Variants in KCNA2 observed in about 807,000 individuals in gnomAD.
The protein encoded by KCNA2 is potassium channel, voltage gated shaker related subfamily A, member 2.
A neutral mutation model predicts 33.4 loss-of-function variants in KCNA2; 11 were observed. The ratio of observed to expected loss-of-function variants is 0.33; its 90% confidence interval spans 0.21 to 0.55. The LOEUF is 0.55. Ranked by LOEUF, KCNA2 falls within the 20% of genes least tolerant of loss-of-function variation. The pLI is 0.93. For synonymous variants in KCNA2, 222 were observed against 231.3 expected (o/e 0.96, Z 0.37); for missense variants, 291 against 621.6 (o/e 0.47, Z 5.66).
In KCNA2 at chr1:110,600,013, C is replaced by A; in HGVS notation, c.*3270G>T. On this transcript the variant is annotated 3_prime_UTR_variant, in exon 3 of 3. Transcript: ENST00000316361. ...GGTGGCCCATCCTCCTGCTTGAAAC[C>A]TAGGAGTTACTTCTCAGGAGTGAAA... The A allele has an allele frequency of 4.1e-6, 4 of 985,080 alleles. No individual in the cohort carries two copies. Among genetic ancestry groups the A allele is most frequent in the Non-Finnish European group, 4.8e-6 (4 of 829,850 alleles). The allele number at this position is 985,080 out of a possible 1,614,324, so 61.0% of individuals were successfully genotyped here. A position where few individuals can be genotyped will look rare whatever the true frequency, so the allele number is the denominator to read the frequency against.
At chr1:110,621,198 T>G (rs1441440017) in intron 1 of KCNA2, among the ~76,000 whole-genome samples, 1 of 152,250 alleles carries the variant, frequency 6.6e-6, no homozygotes, top group African/African-American at 2.4e-5. Context: ...TAAGTGTTCA[T>G]TAGCTAATAT....
rs187579959 is a variant in KCNA2 at position 110,614,003 on chromosome 1, C to G, written c.-495-8281G>C. ...TACCAAGGATCATTCCAACTTTGGA[C>G]AGAGCTAACTTTTCAATTGCCTTTT... On this transcript the variant is annotated intron_variant, in intron 1 of 4. Coordinates refer to the KCNA2 transcript ENST00000369770. 2.4e-4 allele frequency among the ~76,000 whole-genome samples: 36 copies of G among 152,334 alleles called. 1 individual carries two copies. Among genetic ancestry groups the G allele is most frequent in the South Asian group, 1.0e-3 (5 of 4,826 alleles).
chr1:110,621,850 C>T (rs1650267470), intron 1 of KCNA2, among the ~76,000 whole-genome samples: 1 of 152,228 alleles, frequency 6.6e-6, no homozygotes, highest in South Asian at 2.1e-4. Context: ...TTAAAACCTG[C>T]TTAGTTTTAA....
At chr1:110,611,340 G>C (rs1649865733), upstream of KCNA2, among the ~76,000 whole-genome samples, 1 of 152,216 alleles carries the variant, frequency 6.6e-6, no homozygotes, top group Non-Finnish European at 1.5e-5. Context: ...AACTTCAGCT[G>C]CCTCTAAGGG....
chr1:110,598,907 C>A lies in KCNA2; in HGVS notation c.*4376G>T. ...CTCTCTCTTCCTGACAATCTCTCCA[C>A]CTTTCCTGGGCCTATTCCTTTTCGG... On this transcript the variant is annotated 3_prime_UTR_variant, in exon 3 of 3. Coordinates refer to ENST00000316361, the MANE Select transcript of KCNA2 (RefSeq NM_004974.4). 2 of 985,434 alleles carry A rather than the reference C, an allele frequency of 2.0e-6. No individual in the cohort carries two copies. Among genetic ancestry groups the A allele is most frequent in the Non-Finnish European group, 2.4e-6 (2 of 829,928 alleles). The allele number at this position is 985,434 out of a possible 1,614,324, so 61.0% of individuals were successfully genotyped here. A position where few individuals can be genotyped will look rare whatever the true frequency, so the allele number is the denominator to read the frequency against.
chr1:110,622,089 G>A (rs375482724), intron 1 of KCNA2, among the ~76,000 whole-genome samples: 4 of 151,992 alleles, frequency 2.6e-5, no homozygotes, highest in African/African-American at 7.2e-5. Flanking sequence ...GAACATAGAC[G>A]TACAAACCGA....
chr1:110,609,655 GT>G (rs767776309), upstream of KCNA2, among the ~76,000 whole-genome samples: 1 of 152,150 alleles, frequency 6.6e-6, no homozygotes, highest in Non-Finnish European at 1.5e-5. Flanking sequence ...TCAGGGGTAT[GT>G]TGTCCTGTCT....
Position 110,599,443 on chromosome 1 carries a change from C to G in KCNA2, c.*3840G>C. Reference sequence around the variant, plus strand: ...GGTTGCATAGCAATTGGATGGGAGGCAGGGCATCCAGGGGAGCCCAACAAG... The same window carrying G: ...GGTTGCATAGCAATTGGATGGGAGGGAGGGCATCCAGGGGAGCCCAACAAG... On this transcript the variant is annotated 3_prime_UTR_variant, in exon 3 of 3. Transcript: ENST00000316361. The G allele has an allele frequency of 1.2e-5, 12 of 985,286 alleles. No homozygotes were observed. The highest frequency in any genetic ancestry group is 1.3e-5 in the Non-Finnish European group (11 of 829,844). 61.0% of individuals were successfully genotyped at this position (985,286 alleles called of 1,614,324 possible).
intron 2 of KCNA2, 104 bp from the exon 3 acceptor site, chr1:110,605,049 A>G (rs1557733510): frequency 2.0e-6 from 1 of 492,556 alleles, no homozygotes; most frequent in Non-Finnish European, 3.6e-6. Flanking sequence ...GTTCAGACAC[A>G]TGATCACCAC....
Position 110,600,528 on chromosome 1 carries a change from G to T in KCNA2, c.*2755C>A. ...CTGTGTTTGCTTTTATGTTAACCTG[G>T]TCTGTCTGTATTTTGCACGTTACAT... On this transcript the variant is annotated 3_prime_UTR_variant, in exon 3 of 3. Transcript: ENST00000316361. The T allele has an allele frequency of 2.0e-6, 2 of 984,914 alleles. No homozygotes were observed. The highest frequency in any genetic ancestry group is 2.4e-6 in the Non-Finnish European group (2 of 829,790). 61.0% of individuals were successfully genotyped at this position (984,914 alleles called of 1,614,324 possible). A position where few individuals can be genotyped will look rare whatever the true frequency, so the allele number is the denominator to read the frequency against.
rs1438869224 is a variant in KCNA2 at position 110,604,207 on chromosome 1, A to G, written c.576T>C (p.Asn192=). The change falls in exon 3 of 3, where the codon AAT becomes AAC. Residue 192 remains asparagine (N), a synonymous_variant. Transcript: ENST00000316361. The surrounding 1 kb of genome is among the most constrained non-coding windows in gnomAD (Gnocchi z 7.6). ...TCACCCCACTACCATGCATGTCTTCATTCTCATCCCGGAAGATGGGCAATG... is the reference window on the plus strand; with the variant it reads ...TCACCCCACTACCATGCATGTCTTCGTTCTCATCCCGGAAGATGGGCAATG... The part of the protein sequence containing the change: ...LETLPIFRDE[N]EDMHGSGVTF... The G allele has an allele frequency of 3.1e-6, 5 of 1,614,210 alleles. No individual in the cohort carries two copies. The highest frequency in any genetic ancestry group is 4.2e-6 in the Non-Finnish European group (5 of 1,180,040).
At chr1:110,606,432 G>A (rs1203403541), upstream of KCNA2, 2 of 152,234 alleles carry the variant, frequency 1.3e-5, no homozygotes, top group Non-Finnish European at 2.9e-5. Flanking sequence ...GCCGGCTTCC[G>A]GACTGGCCCC....
rs184313129 is a variant in KCNA2, at chr1:110,599,296, T to A, written c.*3987A>T. On this transcript the variant is annotated 3_prime_UTR_variant, in exon 3 of 3. Transcript: ENST00000316361. ...TCCAAGAGTAATCCAAAATGGTGGG[T>A]AATCTTAGAAAGTATTTAAATATGG... The A allele has an allele frequency of 1.0e-6, 1 of 983,728 alleles. No individual in the cohort carries two copies. The highest frequency in any genetic ancestry group is 6.1e-5 in the Admixed American group (1 of 16,288). The allele number at this position is 983,728 out of a possible 1,614,324, so 60.9% of individuals were successfully genotyped here.
upstream of KCNA2, among the ~76,000 whole-genome samples, chr1:110,611,116 A>C (rs1649857390): frequency 6.6e-6 from 1 of 152,210 alleles, no homozygotes; most frequent in African/African-American, 2.4e-5. Context: ...ATTGGTTAGG[A>C]CTACAGAGGA....
chr1:110,594,937 C>T lies in KCNA2; in HGVS notation c.*8346G>A. The T allele has an allele frequency of 1.0e-6, 1 of 985,456 alleles. No homozygotes were observed. The highest frequency in any genetic ancestry group is 1.2e-6 in the Non-Finnish European group (1 of 829,960). 61.0% of individuals were successfully genotyped at this position (985,456 alleles called of 1,614,324 possible). A position where few individuals can be genotyped will look rare whatever the true frequency, so the allele number is the denominator to read the frequency against. On this transcript the variant is annotated 3_prime_UTR_variant, in exon 3 of 3. Transcript: ENST00000316361. ...GGAAATTGTTTGGTAGCAAAGTGCG[C>T]CCCTGAATATTCTCTTCCTCCCAGC...
In KCNA2 at chr1:110,601,695, A is replaced by G. The variant is rs1304802178; in HGVS notation, c.*1588T>C. 9.0e-7 allele frequency: 1 copy of G among 1,111,368 alleles called. No individual in the cohort carries two copies. Among genetic ancestry groups the G allele is most frequent in the East Asian group, 4.9e-5 (1 of 20,526 alleles). The allele number at this position is 1,111,368 out of a possible 1,614,324, so 68.8% of individuals were successfully genotyped here. A position where few individuals can be genotyped will look rare whatever the true frequency, so the allele number is the denominator to read the frequency against. On this transcript the variant is annotated 3_prime_UTR_variant, in exon 3 of 3. Transcript: ENST00000316361. The stretch of plus-strand genomic sequence containing the variant: ...CCCAGGCCCAGTGGGGTTACCAATG[A>G]GACAAATTAACCCATTAGGCCTCTT...
Position 110,597,277 on chromosome 1 carries a change from T to C in KCNA2, c.*6006A>G. Reference sequence around the variant, plus strand: ...AAGCAAAAGGATCAAGTAATGGCTTTTAGTGCATGGAAATGATCTTCTGTA... The same window carrying C: ...AAGCAAAAGGATCAAGTAATGGCTTCTAGTGCATGGAAATGATCTTCTGTA... On this transcript the variant is annotated 3_prime_UTR_variant, in exon 3 of 3. Coordinates refer to ENST00000316361, the MANE Select transcript of KCNA2 (RefSeq NM_004974.4). 1 of 985,454 alleles carries C rather than the reference T, an allele frequency of 1.0e-6. No individual in the cohort carries two copies. The allele number at this position is 985,454 out of a possible 1,614,324, so 61.0% of individuals were successfully genotyped here. A position where few individuals can be genotyped will look rare whatever the true frequency, so the allele number is the denominator to read the frequency against.
Position 110,594,960 on chromosome 1 carries a change from A to C in KCNA2, c.*8323T>G. 1 of 985,396 alleles carries C rather than the reference A, an allele frequency of 1.0e-6. No homozygotes were observed. Among genetic ancestry groups the C allele is most frequent in the Non-Finnish European group, 1.2e-6 (1 of 829,934 alleles). 61.0% of individuals were successfully genotyped at this position (985,396 alleles called of 1,614,324 possible). A position where few individuals can be genotyped will look rare whatever the true frequency, so the allele number is the denominator to read the frequency against. ...CGCCCCTGAATATTCTCTTCCTCCC[A>C]GCTCCTCCTATTGCTTTCTCTAGCA... On this transcript the variant is annotated 3_prime_UTR_variant, in exon 3 of 3. Transcript: ENST00000316361.
intron 1 of KCNA2, among the ~76,000 whole-genome samples, chr1:110,621,104 C>T (rs537309177): frequency 3.9e-5 from 6 of 152,210 alleles, no homozygotes. Flanking sequence ...CAACCAATCT[C>T]TGGGGATTCC....
Sources: allele counts gnomAD v4.1 joint callset (sites outside exome capture counted in the v4.1 genomes callset), GRCh38; gene constraint gnomAD v4.1.1; non-coding constraint Gnocchi (gnomAD v3.1); transcripts MANE v1.5; gene names NCBI Gene and HGNC (gene_info 2026-07-23, HGNC 2026-07-21).